SSBP2: variants seen among roughly 807,000 people sequenced by gnomAD.
SSBP2 encodes the protein single stranded DNA binding protein 2.
Under a neutral mutation model 61.8 loss-of-function variants are expected in SSBP2, and 17 were observed. That is an observed-to-expected ratio of 0.28 (90% CI 0.19 to 0.41). SSBP2 has a LOEUF of 0.41. Ranked by LOEUF, SSBP2 falls within the 10% of genes least tolerant of loss-of-function variation. The pLI is 1.00. For missense variants in SSBP2, 310 were observed against 458.7 expected, an observed-to-expected ratio of 0.68 and a Z score of 2.96; for synonymous variants, 139 against 141.3, an observed-to-expected ratio of 0.98 and a Z score of 0.12.
chr5:81,503,383 G>C lies in SSBP2; in HGVS notation c.372+10245C>G, dbSNP rs999505288. On this transcript the variant is annotated intron_variant, in intron 5 of 16. Coordinates refer to ENST00000320672, the MANE Select transcript of SSBP2 (RefSeq NM_012446.5). ...GCAGGAGAATAGCTTGAACCCGGGA[G>C]GGGGAGGTTGCAATGAGCTGAGATC... 5.0e-4 allele frequency among the ~76,000 whole-genome samples: 76 copies of C among 152,292 alleles called. 1 individual carries two copies. The highest frequency in any genetic ancestry group is 3.4e-3 in the Middle Eastern group (1 of 294).
chr5:81,455,703 A>G (rs1764099625), intron 10 of SSBP2, among the ~76,000 whole-genome samples: 1 of 151,658 alleles, frequency 6.6e-6, no homozygotes. Context: ...ACTCATTAAG[A>G]TGAAATGAAA....
At chr5:81,737,294 TA>T (rs5869085) in intron 1 of SSBP2, among the ~76,000 whole-genome samples, 18,514 of 138,932 alleles carry the variant, frequency 0.13, 1,514 homozygotes, top group African/African-American at 0.23. Context: ...TTCTCCAAGT[TA>T]AAAAAAAAAA....
intron 1 of SSBP2, among the ~76,000 whole-genome samples, chr5:81,663,538 A>G (rs1438129781): frequency 6.6e-6 from 1 of 152,186 alleles, no homozygotes; most frequent in Non-Finnish European, 1.5e-5. Context: ...AAAATGTACT[A>G]TATATAATGT....
At chr5:81,524,068 T>A (rs1032293283) in intron 4 of SSBP2, among the ~76,000 whole-genome samples, 1 of 152,068 alleles carries the variant, frequency 6.6e-6, no homozygotes, top group East Asian at 1.9e-4. Context: ...CAGTTCTTAC[T>A]ATTCTTACTA....
At chr5:81,526,146 T>A (rs1052368069) in intron 4 of SSBP2, among the ~76,000 whole-genome samples, 3 of 152,094 alleles carry the variant, frequency 2.0e-5, no homozygotes, top group Admixed American at 1.3e-4. Context: ...AAAATTTGTT[T>A]CATTGTTTCA....
chr5:81,523,419 G>A (rs936018631), intron 4 of SSBP2, among the ~76,000 whole-genome samples: 14 of 151,766 alleles, frequency 9.2e-5, no homozygotes, highest in Admixed American at 5.9e-4. Context: ...AATTTGTTTC[G>A]AGAAAAAAAT....
intron 5 of SSBP2, among the ~76,000 whole-genome samples, chr5:81,494,825 A>G: frequency 6.6e-6 from 1 of 152,342 alleles, no homozygotes; most frequent in South Asian, 2.1e-4. Flanking sequence ...CAAAATGAAA[A>G]AAAAATACTC....
intron 10 of SSBP2, among the ~76,000 whole-genome samples, chr5:81,460,236 A>G (rs2153997552): frequency 6.6e-6 from 1 of 152,286 alleles, no homozygotes; most frequent in East Asian, 1.9e-4. Context: ...GTAGATGCCC[A>G]TTGACTTCAC....
chr5:81,717,425 C>T (rs1241331127), intron 1 of SSBP2, among the ~76,000 whole-genome samples: 1 of 152,108 alleles, frequency 6.6e-6, no homozygotes, highest in Non-Finnish European at 1.5e-5. Flanking sequence ...GTAATAAGGT[C>T]CTTTGCCTCT....
Position 81,561,072 on chromosome 5 carries a change from G to A in SSBP2, c.283-47355C>T, listed in dbSNP as rs189234351. Among the ~76,000 whole-genome samples, 34 of 152,100 alleles carry A rather than the reference G, an allele frequency of 2.2e-4. No homozygotes were observed. The East Asian group carries it at 5.2e-3, about 23-fold the overall frequency. Reference sequence around the variant, plus strand: ...CCAGAAATCTTTCTCTACAATTAACGTTTTCAGAAATTAGTTTTCTCATTT... The same window carrying A: ...CCAGAAATCTTTCTCTACAATTAACATTTTCAGAAATTAGTTTTCTCATTT... On this transcript the variant is annotated intron_variant, in intron 4 of 16. Transcript: ENST00000320672.
intron 4 of SSBP2, among the ~76,000 whole-genome samples, chr5:81,571,267 TTC>T (rs1267130559): frequency 3.9e-5 from 6 of 152,248 alleles, no homozygotes; most frequent in Non-Finnish European, 8.8e-5. Context: ...TTTGCTGATT[TTC>T]TCTTTTAGTT....
At chr5:81,698,032 C>T (rs1753710951) in intron 1 of SSBP2, among the ~76,000 whole-genome samples, 1 of 151,950 alleles carries the variant, frequency 6.6e-6, no homozygotes, top group Non-Finnish European at 1.5e-5. Context: ...TTTTTTAAGA[C>T]ACTATCTCCT....
intron 3 of SSBP2, among the ~76,000 whole-genome samples, chr5:81,622,449 A>C (rs779442447): frequency 3.9e-5 from 6 of 152,232 alleles, no homozygotes; most frequent in Non-Finnish European, 8.8e-5. Context: ...GACATATCTG[A>C]GACAGAGCCA....
intron 4 of SSBP2, among the ~76,000 whole-genome samples, chr5:81,553,708 G>A (rs903462038): frequency 1.3e-5 from 2 of 152,134 alleles, no homozygotes; most frequent in Non-Finnish European, 2.9e-5. Flanking sequence ...GCAGCAGGGT[G>A]TAGAAGTGAG....
At chr5:81,597,566 T>C (rs1415168166) in intron 4 of SSBP2, among the ~76,000 whole-genome samples, 13 of 152,280 alleles carry the variant, frequency 8.5e-5, no homozygotes, top group South Asian at 8.3e-4. Context: ...CACGTATGTT[T>C]ACTGCGGCAC....
chr5:81,750,716 C>T (rs1457817154), intron 1 of SSBP2: 1 of 510,824 alleles, frequency 2.0e-6, no homozygotes, highest in Non-Finnish European at 3.5e-6. Flanking sequence ...AAGTTTCCAT[C>T]CTCGCCACCA....
intron 4 of SSBP2, among the ~76,000 whole-genome samples, chr5:81,527,211 T>C (rs1770010561): frequency 6.6e-6 from 1 of 152,144 alleles, no homozygotes; most frequent in Non-Finnish European, 1.5e-5. Flanking sequence ...TTAGATGTAA[T>C]ATTTTTAAAT....
At chr5:81,592,399 G>C (rs1049482503) in intron 4 of SSBP2, among the ~76,000 whole-genome samples, 27 of 152,316 alleles carry the variant, frequency 1.8e-4, no homozygotes, top group Non-Finnish European at 3.8e-4. Context: ...GCCTCTGTAG[G>C]CTCCACCTCT....
intron 4 of SSBP2, among the ~76,000 whole-genome samples, chr5:81,543,334 A>T (rs1771454236): frequency 6.6e-6 from 1 of 152,198 alleles, no homozygotes; most frequent in Non-Finnish European, 1.5e-5. Context: ...GAACAGACTA[A>T]TACACATGTC....
Sources: allele counts gnomAD v4.1 joint callset (sites outside exome capture counted in the v4.1 genomes callset), GRCh38; gene constraint gnomAD v4.1.1; transcripts MANE v1.5; gene names NCBI Gene and HGNC (gene_info 2026-07-23, HGNC 2026-07-21).